PCDH9: variants seen among roughly 807,000 people sequenced by gnomAD.
PCDH9 encodes protocadherin-9.
PCDH9 carries 24 observed loss-of-function variants against 70.6 expected under a neutral mutation model. The ratio of observed to expected loss-of-function variants is 0.34; its 90% CI spans 0.25 to 0.48. PCDH9 has a LOEUF of 0.48. Among genes scored for constraint, PCDH9 ranks in the 20% least tolerant of loss-of-function variants. The pLI is 0.99. For missense variants in PCDH9, 1,281 were observed against 1,503.6 expected (o/e 0.85, Z 2.45); for synonymous variants, 562 against 558.5 (o/e 1.01, Z -0.09).
At chr13:66,726,831 C>G (rs184538141) in intron 3 of PCDH9, among the ~76,000 whole-genome samples, 216 of 152,340 alleles carry the variant, frequency 1.4e-3, no homozygotes, top group African/African-American at 4.8e-3. Flanking sequence ...GTTAGCCATT[C>G]TGGCTTTGAA....
intron 2 of PCDH9, among the ~76,000 whole-genome samples, chr13:67,127,468 G>A (rs925294029): frequency 2.0e-5 from 3 of 152,114 alleles, no homozygotes; most frequent in African/African-American, 7.2e-5. Flanking sequence ...CAGCTTGATG[G>A]AGCTTGGTAG....
At position 66,543,131 on chromosome 13, in the gene PCDH9, TGAGGAA is replaced by T. The variant is rs144789043; in HGVS notation, c.3340+88073_3340+88078del. On this transcript the variant is annotated intron_variant, in intron 4 of 4. Coordinates refer to ENST00000377865, the MANE Select transcript of PCDH9 (RefSeq NM_203487.3). Reference sequence around the variant, plus strand: ...ATTCTCATTAACGTAATGCTCTTCTTGAGGAAGAGTATTAAATAATATCAAATCAGT... The same window carrying T: ...ATTCTCATTAACGTAATGCTCTTCTTGAGTATTAAATAATATCAAATCAGT... Among the ~76,000 whole-genome samples the T allele has an allele frequency of 7.1e-3, 1,073 of 152,160 alleles. 13 individuals carry two copies. The highest frequency in any genetic ancestry group is 0.024 in the African/African-American group (1,016 of 41,510).
At chr13:66,549,828 G>A (rs1961399932) in intron 4 of PCDH9, among the ~76,000 whole-genome samples, 2 of 152,020 alleles carry the variant, frequency 1.3e-5, no homozygotes, top group Non-Finnish European at 2.9e-5. Context: ...CAGCCAGCCT[G>A]GGCAAAATGG....
At chr13:67,191,294 C>G (rs1365841375) in intron 2 of PCDH9, among the ~76,000 whole-genome samples, 1 of 152,032 alleles carries the variant, frequency 6.6e-6, no homozygotes, top group Non-Finnish European at 1.5e-5. Context: ...AATGTACATT[C>G]CTCGAAAATA....
rs2077857127 is a variant in PCDH9, at chr13:66,651,865, T to C, written c.3139-20454A>G. Among the ~76,000 whole-genome samples, 3 of 152,126 alleles carry C rather than the reference T, an allele frequency of 2.0e-5. No individual in the cohort carries two copies. The South Asian group carries it at 6.2e-4, about 32-fold the overall frequency. On this transcript the variant is annotated intron_variant, in intron 3 of 4. Transcript: ENST00000377865. ...GTAATAATGGTTCAATATATGCAAA[T>C]TGCTCAATGTGATACATCATCTCAA...
chr13:66,876,233 C>T (rs2081805421), intron 3 of PCDH9, among the ~76,000 whole-genome samples: 1 of 151,926 alleles, frequency 6.6e-6, no homozygotes, highest in Admixed American at 6.6e-5. Context: ...TAATATTCAT[C>T]AAGAATCAGA....
At chr13:66,729,140 A>G (rs552749732) in intron 3 of PCDH9, among the ~76,000 whole-genome samples, 1 of 152,234 alleles carries the variant, frequency 6.6e-6, no homozygotes, top group Admixed American at 6.5e-5. Flanking sequence ...TAACATGCCT[A>G]TAGCAGACTC....
At chr13:67,191,723 T>C (rs1204798764) in intron 2 of PCDH9, among the ~76,000 whole-genome samples, 1 of 152,088 alleles carries the variant, frequency 6.6e-6, no homozygotes, top group Admixed American at 6.6e-5. Context: ...CTTAACGCCA[T>C]TCTCTCTTCT....
At chr13:66,365,147 C>T (rs1956532879) in intron 4 of PCDH9, among the ~76,000 whole-genome samples, 1 of 152,142 alleles carries the variant, frequency 6.6e-6, no homozygotes, top group Non-Finnish European at 1.5e-5. Context: ...CCCTCTTACA[C>T]TTGTTCAGTA....
chr13:66,816,400 G>A (rs1467534582), intron 3 of PCDH9, among the ~76,000 whole-genome samples: 4 of 152,070 alleles, frequency 2.6e-5, no homozygotes, highest in African/African-American at 9.7e-5. Context: ...TAGAACCCAA[G>A]TGCATGAATA....
intron 2 of PCDH9, among the ~76,000 whole-genome samples, chr13:66,980,726 C>CTTTTT (rs1327800250): frequency 8.7e-4 from 29 of 33,366 alleles, no homozygotes; most frequent in African/African-American, 1.7e-3. Flanking sequence ...CTGTTTTTTT[C>CTTTTT]TTTGTTTTTT....
intron 4 of PCDH9, among the ~76,000 whole-genome samples, chr13:66,336,891 T>C (rs1566250413): frequency 6.6e-6 from 1 of 152,088 alleles, no homozygotes; most frequent in Admixed American, 6.6e-5. Flanking sequence ...AAATGCATTA[T>C]ATTATATGCA....
chr13:67,214,935 G>GATACATATATAT (rs1555321190), intron 2 of PCDH9: 5 of 89,248 alleles, frequency 5.6e-5, no homozygotes, highest in Non-Finnish European at 1.2e-4. Context: ...TTGCGAGCCA[G>GATACATATATAT]ATATATATAT....
chr13:66,532,776 T>C (rs190720913), intron 4 of PCDH9, among the ~76,000 whole-genome samples: 1 of 152,132 alleles, frequency 6.6e-6, no homozygotes, highest in South Asian at 2.1e-4. Context: ...TTTATTTTTT[T>C]AATCACTTAC....
intron 2 of PCDH9, among the ~76,000 whole-genome samples, chr13:67,130,932 C>A (rs1012746696): frequency 7.9e-5 from 12 of 152,120 alleles, no homozygotes; most frequent in African/African-American, 2.9e-4. Flanking sequence ...TTAACCTTCG[C>A]CTTCCCTTCA....
rs1304471772 is a variant in PCDH9 at position 67,228,221 on chromosome 13, G to A, written c.220C>T (p.Pro74Ser). The A allele has an allele frequency of 6.2e-7, 1 of 1,612,490 alleles. No individual in the cohort carries two copies. ...YRLVSKAGDA[P>S]LVKVSSSTGE... ...GTGCTGCTGGAAACTTTCACCAAAG[G>A]GGCATCCCCAGCTTTAGAAACCAGT... The change falls in exon 2 of 5, where the codon CCT becomes TCT. Residue 74 changes from proline (P) to serine (S), a missense_variant. Pro to Ser is a moderately conservative substitution (Grantham distance 74). This residue lies in a region of PCDH9 where 798 missense variants were observed against 1,003.1 expected (regional missense o/e 0.80). Coordinates refer to ENST00000377865, the MANE Select transcript of PCDH9 (RefSeq NM_203487.3).
At chr13:66,464,435 A>G in intron 4 of PCDH9, among the ~76,000 whole-genome samples, 1 of 151,928 alleles carries the variant, frequency 6.6e-6, no homozygotes, top group Non-Finnish European at 1.5e-5. Context: ...AGCTTCCACA[A>G]TTCTCTTTTG....
At chr13:66,550,505 T>C (rs187920772) in intron 4 of PCDH9, among the ~76,000 whole-genome samples, 3 of 152,244 alleles carry the variant, frequency 2.0e-5, no homozygotes, top group Admixed American at 2.0e-4. Context: ...ACACTTTGCA[T>C]GGGATGTGTT....
intron 3 of PCDH9, among the ~76,000 whole-genome samples, chr13:66,632,510 T>C (rs1336527814): frequency 1.3e-5 from 2 of 152,250 alleles, no homozygotes; most frequent in African/African-American, 4.8e-5. Context: ...TTGGTATCTA[T>C]GTGCACAATG....
Sources: gnomAD v4.1 joint callset for allele counts (sites outside exome capture counted in the v4.1 genomes callset) on GRCh38, gnomAD v4.1.1 for gene constraint, gnomAD v4.1.1 regional missense constraint, MANE v1.5 for transcripts, NCBI Gene and HGNC (gene_info 2026-07-23, HGNC 2026-07-21) for gene names.